The following RAI1 variants were observed in gnomAD, a reference collection of about 807,000 sequenced individuals.
RAI1 encodes retinoic acid-induced protein 1.
In RAI1, 9 loss-of-function variants were observed where a neutral mutation model predicts 123.8. The observed-to-expected ratio is 0.07, with a 90% CI of 0.04 to 0.13. RAI1 has a LOEUF of 0.13. RAI1 is among the 10% of genes least tolerant of loss of function. The probability of loss-of-function intolerance (pLI) is 1.00; values close to 1 mark genes in which losing one functional copy is unlikely to be tolerated. For synonymous variants in RAI1, 1,231 were observed against 1,127.3 expected, an observed-to-expected ratio of 1.09 and a Z score of -1.84; for missense variants, 2,256 against 2,545.8, an observed-to-expected ratio of 0.89 and a Z score of 2.45.
intron 1 of RAI1, among the ~76,000 whole-genome samples, chr17:17,696,982 C>CT (rs1915059210): frequency 6.6e-6 from 1 of 152,224 alleles, no homozygotes; most frequent in Non-Finnish European, 1.5e-5. Flanking sequence ...TCTCTAGCCT[C>CT]TCTCTGGAGG....
intron 1 of RAI1, among the ~76,000 whole-genome samples, chr17:17,723,515 GC>G (rs1435825128): frequency 6.7e-6 from 1 of 150,192 alleles, no homozygotes; most frequent in Admixed American, 6.6e-5. Context: ...ACATACACAC[GC>G]CTGCGCGCGC....
intron 2 of RAI1, among the ~76,000 whole-genome samples, chr17:17,773,323 A>G (rs2031231755): frequency 6.6e-6 from 1 of 152,186 alleles, no homozygotes; most frequent in Non-Finnish European, 1.5e-5. Context: ...CAGGCAGCAC[A>G]TCAGGCGCTC....
intron 2 of RAI1, among the ~76,000 whole-genome samples, chr17:17,790,376 G>A (rs920098895): frequency 6.6e-6 from 1 of 152,210 alleles, no homozygotes; most frequent in Non-Finnish European, 1.5e-5. Flanking sequence ...GGCTTCTCGT[G>A]TTTTAATTGA....
At chr17:17,771,427 A>C (rs2031154659) in intron 2 of RAI1, among the ~76,000 whole-genome samples, 1 of 152,178 alleles carries the variant, frequency 6.6e-6, no homozygotes, top group Non-Finnish European at 1.5e-5. Context: ...TTCGTTTGGG[A>C]GACAAAATCC....
intron 1 of RAI1, among the ~76,000 whole-genome samples, chr17:17,694,902 C>T (rs1384393806): frequency 6.6e-6 from 1 of 152,072 alleles, no homozygotes; most frequent in Non-Finnish European, 1.5e-5. Context: ...GGCTTCCAGT[C>T]CCAGCGTTGC....
chr17:17,683,350 A>G (rs1435990954), intron 1 of RAI1, among the ~76,000 whole-genome samples: 1 of 151,896 alleles, frequency 6.6e-6, no homozygotes, highest in Non-Finnish European at 1.5e-5. Context: ...GCCCCCCTCC[A>G]TTCTCCATAC....
chr17:17,778,479 C>G (rs2031433984), intron 2 of RAI1: 18 of 332,626 alleles, frequency 5.4e-5, no homozygotes, highest in South Asian at 4.5e-4. Flanking sequence ...ACACAAAGCA[C>G]AGAGAGGTTA....
rs764756399 is a variant in RAI1, at chr17:17,801,836, C to T, written c.5566-1920C>T. Among the ~76,000 whole-genome samples the T allele has an allele frequency of 2.6e-5, 4 of 152,242 alleles. No individual in the cohort carries two copies. Among genetic ancestry groups the T allele is most frequent in the Non-Finnish European group, 5.9e-5 (4 of 68,042 alleles). On this transcript the variant is annotated intron_variant, in intron 3 of 5. Coordinates refer to ENST00000353383, the MANE Select transcript of RAI1 (RefSeq NM_030665.4). This position sits in a 1 kb window ranked among gnomAD's most constrained non-coding sequence, Gnocchi z 4.1. ...GCAGGGGTCAGAGACCAGCCTGGAG[C>T]CCTCGGGCAGGTTACTCAGCCTCAG... is the stretch of plus-strand genomic sequence containing the variant.
At position 17,793,685 on chromosome 17, in the gene RAI1, C is replaced by G; in HGVS notation, c.737C>G (p.Pro246Arg). The G allele has an allele frequency of 6.2e-7, 1 of 1,613,168 alleles. No homozygotes were observed. The highest frequency in any genetic ancestry group is 8.5e-7 in the Non-Finnish European group (1 of 1,180,038). Residue 246 changes from proline (P) to arginine (R), a missense_variant, in exon 3 of 6, where the codon CCC becomes CGC. By Grantham distance (103) the Pro-to-Arg change is moderately radical. Coordinates refer to ENST00000353383, the MANE Select transcript of RAI1 (RefSeq NM_030665.4). ...YKSCTAPTAQ[P>R]HDRPLTASSS... ...AGTTGCACAGCACCGACTGCCCAGC[C>G]CCATGACAGGCCGCTGACTGCCAGC...
rs577508146 is a variant in RAI1 at position 17,736,575 on chromosome 17, CTTCCAGATAGGAGCTGGAACAT to C, written c.-17+12424_-17+12445del. On this transcript the variant is annotated intron_variant, in intron 2 of 5. Transcript: ENST00000353383. ...GACCTTTCTGGAGATGGCATGCACA[CTTCCAGATAGGAGCTGGAACAT>C]TTCCAGAAATGGAATGTTTTTAGAA... Among the ~76,000 whole-genome samples the C allele has an allele frequency of 4.3e-4, 66 of 152,302 alleles. 1 individual carries two copies. The highest frequency in any genetic ancestry group is 6.8e-3 in the Middle Eastern group (2 of 294).
chr17:17,702,840 A>G (rs2142890594), intron 1 of RAI1, among the ~76,000 whole-genome samples: 1 of 152,334 alleles, frequency 6.6e-6, no homozygotes, highest in South Asian at 2.1e-4. Flanking sequence ...GAGTGAGCTC[A>G]AAGTCACTCA....
chr17:17,800,481 G>A lies in RAI1; in HGVS notation c.5565+1968G>A, dbSNP rs1188789335. Among the ~76,000 whole-genome samples, 4 of 152,218 alleles carry A rather than the reference G, an allele frequency of 2.6e-5. No individual in the cohort carries two copies. The highest frequency in any genetic ancestry group is 2.6e-4 in the Admixed American group (4 of 15,288). ...AGCCAGCACTGGCCGGCCGAAGGGA[G>A]GAGGGGTCAGCCCCGAGCACCGACC... is the stretch of plus-strand genomic sequence containing the variant. On this transcript the variant is annotated intron_variant, in intron 3 of 5. Transcript: ENST00000353383. The surrounding 1 kb of genome is among the most constrained non-coding windows in gnomAD (Gnocchi z 4.7).
intron 2 of RAI1, among the ~76,000 whole-genome samples, chr17:17,733,427 A>G (rs1916331161): frequency 6.6e-6 from 1 of 152,238 alleles, no homozygotes; most frequent in African/African-American, 2.4e-5. Flanking sequence ...TTGGTTGGCA[A>G]TGCCTGAATA....
intron 2 of RAI1, among the ~76,000 whole-genome samples, chr17:17,757,393 G>T (rs1372024116): frequency 1.3e-5 from 2 of 152,160 alleles, no homozygotes; most frequent in Non-Finnish European, 1.5e-5. Context: ...GCACAGAGAG[G>T]GCAGCAACCC....
In RAI1 at chr17:17,810,742, C is replaced by G. The variant is rs747272504; in HGVS notation, c.*761C>G. The G allele has an allele frequency of 2.2e-6, 1 of 446,576 alleles. No homozygotes were observed. Among genetic ancestry groups the G allele is most frequent in the African/African-American group, 2.0e-5 (1 of 49,758 alleles). The allele number at this position is 446,576 out of a possible 1,614,324, so 27.7% of individuals were successfully genotyped here. ...GTTTGTCCCCTTTCCAGTCCTCCAC[C>G]CCACCCCTGGAGCCCAGCCTGGGAG... On this transcript the variant is annotated 3_prime_UTR_variant, in exon 6 of 6. Transcript: ENST00000353383. The surrounding 1 kb of genome is among the most constrained non-coding windows in gnomAD (Gnocchi z 4.6).
In RAI1 at chr17:17,809,921, CTG is replaced by C. The variant is rs922135114; in HGVS notation, c.5710-46_5710-45del. On this transcript the variant is annotated intron_variant, in intron 5 of 5. Transcript: ENST00000353383. This position sits in a 1 kb window ranked among gnomAD's most constrained non-coding sequence, Gnocchi z 4.9. ...CCACACTGGGGGCGGGGCCTATGGA[CTG>C]TGAAGTCCGAGGTCGTCGGTAACTG... The C allele has an allele frequency of 3.2e-6, 5 of 1,555,738 alleles. No homozygotes were observed. The highest frequency in any genetic ancestry group is 2.7e-5 in the African/African-American group (2 of 73,414).
In RAI1 at chr17:17,797,658, C is replaced by T. The variant is rs769534594; in HGVS notation, c.4710C>T (p.Pro1570=). 9 of 1,613,758 alleles carry T rather than the reference C, an allele frequency of 5.6e-6. No homozygotes were observed. Among genetic ancestry groups the T allele is most frequent in the Middle Eastern group, 1.6e-4 (1 of 6,084 alleles). ...RRQQQVLPLD[P]AEPEIRLKYI... ...AGCAGCAGGTGCTGCCCCTGGATCC[C>T]GCAGAGCCTGAAATCCGCCTCAAGT... Residue 1570 remains proline, a synonymous_variant, in exon 3 of 6, where the codon CCC becomes CCT. Coordinates refer to ENST00000353383, the MANE Select transcript of RAI1 (RefSeq NM_030665.4).
intron 1 of RAI1, among the ~76,000 whole-genome samples, chr17:17,691,405 C>T (rs1030569312): frequency 6.6e-6 from 1 of 152,112 alleles, no homozygotes; most frequent in Non-Finnish European, 1.5e-5. Flanking sequence ...AAGCATAGAG[C>T]GTGGTAGGTG....
Position 17,697,464 on chromosome 17 carries a change from G to A in RAI1, c.-149+15671G>A, listed in dbSNP as rs180819159. Among the ~76,000 whole-genome samples the A allele has an allele frequency of 5.1e-3, 780 of 152,350 alleles. 4 individuals are homozygous for A. Among genetic ancestry groups the A allele is most frequent in the Non-Finnish European group, 8.6e-3 (588 of 68,036 alleles). ...ATTGTCAGCCTGCAGCCAACGGCCC[G>A]CTCTAACAGGTTTATTCAGTTGTAA... is the stretch of plus-strand genomic sequence containing the variant. On this transcript the variant is annotated intron_variant, in intron 1 of 5. Coordinates refer to ENST00000353383, the MANE Select transcript of RAI1 (RefSeq NM_030665.4).
Sources: allele counts gnomAD v4.1 joint callset (sites outside exome capture counted in the v4.1 genomes callset), GRCh38; gene constraint gnomAD v4.1.1; non-coding constraint Gnocchi (gnomAD v3.1); transcripts MANE v1.5; gene names NCBI Gene and HGNC (gene_info 2026-07-23, HGNC 2026-07-21).